ARFGEF1: variants seen among roughly 807,000 people sequenced by gnomAD.
ARFGEF1 encodes the protein ARF guanine nucleotide exchange factor 1, also known as brefeldin A-inhibited guanine nucleotide-exchange protein 1.
Under a neutral mutation model 231.0 loss-of-function variants are expected in ARFGEF1, and 42 were observed. The observed-to-expected ratio is 0.18, with a 90% CI of 0.14 to 0.24. The LOEUF is 0.24. Among genes scored for constraint, ARFGEF1 ranks in the 10% least tolerant of loss-of-function variants. ARFGEF1 has a pLI of 1.00. For synonymous variants in ARFGEF1, 710 were observed against 732.3 expected (o/e 0.97, Z 0.49); for missense variants, 1,345 against 2,192.0 (o/e 0.61, Z 7.72).
chr8:67,226,165 T>A lies in ARFGEF1; in HGVS notation c.3935A>T (p.His1312Leu). ...GHIVTLVFEKHFPATIDSFQD... is the reference protein window; with the variant it reads ...GHIVTLVFEKLFPATIDSFQD... ...GAAAGAATCAATGGTCGCTGGAAAG[T>A]GTTTTTCAAATACAAGGGCTAAAAT... is the stretch of plus-strand genomic sequence containing the variant. Residue 1312 changes from histidine to leucine, a missense_variant, in exon 28 of 39, where the codon CAC (histidine) becomes CTC (leucine). Coordinates refer to ENST00000262215, the MANE Select transcript of ARFGEF1 (RefSeq NM_006421.5). 1 of 1,606,160 alleles carries A rather than the reference T, an allele frequency of 6.2e-7. No homozygotes were observed. Among genetic ancestry groups the A allele is most frequent in the Non-Finnish European group, 8.5e-7 (1 of 1,176,756 alleles).
chr8:67,210,990 T>C (rs1354696037), intron 34 of ARFGEF1, among the ~76,000 whole-genome samples: 1 of 148,282 alleles, frequency 6.7e-6, no homozygotes, highest in African/African-American at 2.5e-5. Context: ...GAGGTGGAGG[T>C]TGCAGTGAGC....
At chr8:67,219,378 A>G (rs1477605598) in intron 30 of ARFGEF1, 53 bp downstream of exon 30, 2 of 1,570,332 alleles carry the variant, frequency 1.3e-6, no homozygotes, top group Non-Finnish European at 1.7e-6. Flanking sequence ...TGATTATAAT[A>G]CTGAGAATCT....
intron 29 of ARFGEF1, among the ~76,000 whole-genome samples, chr8:67,221,549 A>G (rs749875273): frequency 2.0e-5 from 3 of 152,206 alleles, no homozygotes; most frequent in Non-Finnish European, 4.4e-5. Context: ...ATATAGCTGT[A>G]CAATGTGTTT....
At chr8:67,311,724 T>C (rs534321010) in intron 1 of ARFGEF1, among the ~76,000 whole-genome samples, 1 of 152,176 alleles carries the variant, frequency 6.6e-6, no homozygotes, top group Admixed American at 6.5e-5. Flanking sequence ...GCCACCACCC[T>C]GTCTGGGAGG....
At chr8:67,217,751 ATAAATG>A (rs1249394280) in intron 32 of ARFGEF1, 25 bp downstream of exon 32, 1 of 1,603,254 alleles carries the variant, frequency 6.2e-7, no homozygotes, top group South Asian at 1.1e-5. Flanking sequence ...ATATACAAAT[ATAAATG>A]TAAAGTTGTA....
At chr8:67,301,429 T>C (rs745324043) in intron 2 of ARFGEF1, 49 bp from the exon 3 acceptor site, 2 of 1,542,048 alleles carry the variant, frequency 1.3e-6, no homozygotes, top group Non-Finnish European at 1.7e-6. Context: ...TTTATAATAT[T>C]GATAATAAAC....
intron 5 of ARFGEF1, among the ~76,000 whole-genome samples, chr8:67,181,925 T>C (rs1198685613): frequency 6.6e-6 from 1 of 152,214 alleles, no homozygotes; most frequent in Non-Finnish European, 1.5e-5. Context: ...TCATACAGTA[T>C]CTATCCTTTG....
Position 67,324,812 on chromosome 8 carries a change from T to C in ARFGEF1, c.124+18352A>G, listed in dbSNP as rs375285367. On this transcript the variant is annotated intron_variant, in intron 1 of 38. Transcript: ENST00000262215. ...TAAAATAGTGAAGACTAAAAAGTAT[T>C]TACATTAGCTTTTAATCCCATGGTA... Among the ~76,000 whole-genome samples the C allele has an allele frequency of 2.6e-5, 4 of 152,164 alleles. No individual in the cohort carries two copies. The East Asian group carries it at 5.8e-4, about 22-fold the overall frequency.
chr8:67,264,831 T>A (rs548922705), intron 14 of ARFGEF1, among the ~76,000 whole-genome samples: 1 of 152,180 alleles, frequency 6.6e-6, no homozygotes, highest in Non-Finnish European at 1.5e-5. Flanking sequence ...TTGGCAGTAC[T>A]TACTCTGTAC....
At position 67,258,287 on chromosome 8, in the gene ARFGEF1, G is replaced by C. The variant is rs781014133; in HGVS notation, c.2239C>G (p.Gln747Glu). ...TTATCTCCCAGGAACTCACCCACTT[G>C]AGTCTAAAGTAAAAACAGAGATAGA... is the stretch of plus-strand genomic sequence containing the variant. ...LHQEERLDST[Q>E]VGEFLGDNDK... The change falls in exon 16 of 39, where the codon CAA (glutamine) becomes GAA (glutamate). Residue 747 changes from glutamine (Q) to glutamate (E), a missense_variant. Transcript: ENST00000262215. 2 of 1,574,442 alleles carry C rather than the reference G, an allele frequency of 1.3e-6. No homozygotes were observed. The highest frequency in any genetic ancestry group is 1.1e-5 in the South Asian group (1 of 88,744).
chr8:67,219,664 A>G, intron 29 of ARFGEF1, 104 bp from the exon 30 acceptor site: 1 of 1,247,432 alleles, frequency 8.0e-7, no homozygotes, highest in East Asian at 2.5e-5. Context: ...AAAGCTTAAA[A>G]CTAGTCTGAA....
intron 5 of ARFGEF1, among the ~76,000 whole-genome samples, chr8:67,183,936 T>G (rs1325041530): frequency 1.5e-5 from 2 of 136,804 alleles, no homozygotes; most frequent in South Asian, 5.0e-4. Flanking sequence ...CACTGCAACC[T>G]CCGCCTCCCG....
chr8:67,192,500 C>CT (rs1836648118), intron 5 of ARFGEF1, among the ~76,000 whole-genome samples: 1 of 152,114 alleles, frequency 6.6e-6, no homozygotes, highest in Admixed American at 6.5e-5. Context: ...ATCTTTTTAA[C>CT]TTTCTTGATG....
At chr8:67,275,329 C>T (rs1037192373) in intron 9 of ARFGEF1, among the ~76,000 whole-genome samples, 1 of 151,978 alleles carries the variant, frequency 6.6e-6, no homozygotes, top group Admixed American at 6.6e-5. Context: ...AGATACTTGA[C>T]CATTTATGAC....
At chr8:67,305,053 G>C (rs1806675563) in intron 1 of ARFGEF1, among the ~76,000 whole-genome samples, 1 of 152,094 alleles carries the variant, frequency 6.6e-6, no homozygotes, top group African/African-American at 2.4e-5. Context: ...TTACAGAATA[G>C]GATATTCTAG....
intron 5 of ARFGEF1, among the ~76,000 whole-genome samples, chr8:67,293,767 G>A (rs895732578): frequency 3.9e-5 from 6 of 152,032 alleles, no homozygotes; most frequent in African/African-American, 9.7e-5. Flanking sequence ...CGGTGTGACC[G>A]CTTCTGATTA....
chr8:67,204,628 T>C, intron 35 of ARFGEF1, 52 bp downstream of exon 35: 2 of 1,573,208 alleles, frequency 1.3e-6, no homozygotes, highest in South Asian at 1.2e-5. Flanking sequence ...CAGACTGCTA[T>C]ACCTAACTTC....
Position 67,226,585 on chromosome 8 carries a change from TAAGC to T in ARFGEF1, c.3917-406_3917-403del, listed in dbSNP as rs549949674. ...TAAGTGAAGTGCTTAGTGTAATACT[TAAGC>T]AAGCACGCAATAAATGATAGCTATG... On this transcript the variant is annotated intron_variant, in intron 27 of 38. Transcript: ENST00000262215. Among the ~76,000 whole-genome samples, 171 of 152,294 alleles carry T rather than the reference TAAGC, an allele frequency of 1.1e-3. 1 individual carries two copies. The South Asian group carries it at 0.019, about 17-fold the overall frequency.
chr8:67,225,989 T>C, intron 28 of ARFGEF1, 34 bp downstream of exon 28: 1 of 1,542,836 alleles, frequency 6.5e-7, no homozygotes, highest in South Asian at 1.3e-5. Flanking sequence ...GAAAGAATAC[T>C]CTGCAAAATT....
Sources: gnomAD v4.1 joint callset for allele counts (sites outside exome capture counted in the v4.1 genomes callset) on GRCh38, gnomAD v4.1.1 for gene constraint, MANE v1.5 for transcripts, NCBI Gene and HGNC (gene_info 2026-07-23, HGNC 2026-07-21) for gene names.